The following ZNF385D variants were observed in gnomAD, a reference collection of about 807,000 sequenced individuals.
The protein encoded by ZNF385D is zinc finger protein 659.
Under a neutral mutation model 35.8 loss-of-function variants are expected in ZNF385D, and 15 were observed. The observed-to-expected ratio is 0.42, with a 90% confidence interval of 0.28 to 0.64. ZNF385D has a LOEUF of 0.64. Ranked by LOEUF, ZNF385D falls within the 30% of genes least tolerant of loss-of-function variation. ZNF385D has a pLI of 0.23. For missense variants in ZNF385D, 474 were observed against 494.6 expected, an observed-to-expected ratio of 0.96 and a Z score of 0.39; for synonymous variants, 212 against 186.8, an observed-to-expected ratio of 1.13 and a Z score of -1.10.
At chr3:22,115,289 T>C (rs1702750132) in intron 3 of ZNF385D, among the ~76,000 whole-genome samples, 1 of 152,054 alleles carries the variant, frequency 6.6e-6, no homozygotes, top group African/African-American at 2.4e-5. Flanking sequence ...AAACAGAGAC[T>C]TTGCCTTTGT....
chr3:21,460,514 C>G (rs1459847202), intron 4 of ZNF385D, among the ~76,000 whole-genome samples: 2 of 151,750 alleles, frequency 1.3e-5, no homozygotes, highest in African/African-American at 4.9e-5. Flanking sequence ...AATAAAGCAA[C>G]CAATTTTAAA....
In ZNF385D at chr3:22,018,188, G is replaced by A. The variant is rs1697003783; in HGVS notation, c.325+150629C>T. ...GTGTTTTAATTTTTAAAGATGCGCA[G>A]TATCAATTTCTCTAGTTAGAAATAA... On this transcript the variant is annotated intron_variant, in intron 3 of 5. Transcript: ENST00000494108. Among the ~76,000 whole-genome samples the A allele has an allele frequency of 3.3e-5, 5 of 151,570 alleles. No homozygotes were observed. The South Asian group carries it at 8.4e-4, about 25-fold the overall frequency.
intron 2 of ZNF385D, among the ~76,000 whole-genome samples, chr3:22,274,947 TTTGA>T (rs1400501003): frequency 1.3e-5 from 2 of 152,072 alleles, no homozygotes; most frequent in Non-Finnish European, 2.9e-5. Flanking sequence ...CATATCTGAA[TTTGA>T]TTGGGTAAGA....
intron 3 of ZNF385D, among the ~76,000 whole-genome samples, chr3:21,815,716 A>C (rs945872765): frequency 3.3e-5 from 5 of 152,188 alleles, no homozygotes; most frequent in Admixed American, 3.3e-4. Context: ...CCAGTACCGG[A>C]CCAGACGGAT....
At chr3:21,609,066 A>T (rs551207322) in intron 2 of ZNF385D, among the ~76,000 whole-genome samples, 1 of 152,202 alleles carries the variant, frequency 6.6e-6, no homozygotes, top group Non-Finnish European at 1.5e-5. Context: ...GTTACCTGGG[A>T]GTTGTTTTCC....
At chr3:21,972,484 T>A (rs2125344202) in intron 3 of ZNF385D, among the ~76,000 whole-genome samples, 1 of 151,944 alleles carries the variant, frequency 6.6e-6, no homozygotes, top group Middle Eastern at 3.4e-3. Context: ...AAAAAAAGTG[T>A]TAAAACTTCA....
At chr3:21,689,124 T>G (rs552195454) in intron 1 of ZNF385D, among the ~76,000 whole-genome samples, 5 of 114,588 alleles carry the variant, frequency 4.4e-5, no homozygotes, top group African/African-American at 1.6e-4. Context: ...CCCCACCTTA[T>G]TGAAGCAAAA....
intron 3 of ZNF385D, among the ~76,000 whole-genome samples, chr3:21,527,320 T>C (rs1017925444): frequency 6.6e-6 from 1 of 152,210 alleles, no homozygotes; most frequent in South Asian, 2.1e-4. Context: ...TCATGATGGT[T>C]GGCATTCTTA....
At chr3:21,982,031 G>A (rs115359530) in intron 3 of ZNF385D, among the ~76,000 whole-genome samples, 16,255 of 149,928 alleles carry the variant, frequency 0.11, 1,179 homozygotes, top group South Asian at 0.26. Context: ...GCTTAGGATC[G>A]CCTTGGCTAT....
intron 3 of ZNF385D, among the ~76,000 whole-genome samples, chr3:22,073,419 T>C (rs1330939267): frequency 2.2e-4 from 33 of 151,878 alleles, no homozygotes; most frequent in Admixed American, 1.8e-3. Flanking sequence ...TCCATATTTA[T>C]TGCTTTATTC....
chr3:21,564,709 A>G (rs770598874), intron 2 of ZNF385D, 25 bp from the exon 3 acceptor site: 17 of 1,417,194 alleles, frequency 1.2e-5, no homozygotes, highest in Admixed American at 8.8e-5. Context: ...AAGAAATACA[A>G]CAAATAGAAA....
At chr3:22,211,632 A>G (rs147748612) in intron 2 of ZNF385D, among the ~76,000 whole-genome samples, 1 of 152,030 alleles carries the variant, frequency 6.6e-6, no homozygotes, top group Admixed American at 6.6e-5. Context: ...AAAGAAAGAA[A>G]GAGTGCTGCC....
At chr3:21,731,498 C>T (rs2068992781) in intron 1 of ZNF385D, among the ~76,000 whole-genome samples, 1 of 152,166 alleles carries the variant, frequency 6.6e-6, no homozygotes, top group Admixed American at 6.5e-5. Flanking sequence ...CCTACATTAA[C>T]ATGTCATAAC....
At chr3:21,650,961 G>A (rs1000888574) in intron 2 of ZNF385D, among the ~76,000 whole-genome samples, 6 of 151,914 alleles carry the variant, frequency 3.9e-5, no homozygotes, top group African/African-American at 9.7e-5. Flanking sequence ...TCAGGACCTC[G>A]CAATTATCCT....
intron 3 of ZNF385D, among the ~76,000 whole-genome samples, chr3:21,763,772 A>G (rs1386558591): frequency 6.6e-6 from 1 of 151,394 alleles, no homozygotes; most frequent in African/African-American, 2.4e-5. Flanking sequence ...TGTGAACAGT[A>G]AGTCCATTTT....
At chr3:21,813,633 G>C (rs1366446985) in intron 3 of ZNF385D, among the ~76,000 whole-genome samples, 1 of 152,104 alleles carries the variant, frequency 6.6e-6, no homozygotes, top group African/African-American at 2.4e-5. Context: ...GAAATGAAGT[G>C]AGAAGAGAAG....
intron 3 of ZNF385D, among the ~76,000 whole-genome samples, chr3:21,794,876 T>C (rs1448987597): frequency 6.6e-6 from 1 of 152,174 alleles, no homozygotes; most frequent in Non-Finnish European, 1.5e-5. Flanking sequence ...CATCTGAACA[T>C]TGCAAATATT....
intron 3 of ZNF385D, among the ~76,000 whole-genome samples, chr3:21,559,745 T>C (rs995869351): frequency 1.3e-5 from 2 of 152,272 alleles, no homozygotes; most frequent in African/African-American, 4.8e-5. Flanking sequence ...GATAATATTC[T>C]GAAGAGTGTT....
At chr3:21,813,001 G>A (rs182863321) in intron 3 of ZNF385D, among the ~76,000 whole-genome samples, 1 of 152,284 alleles carries the variant, frequency 6.6e-6, no homozygotes, top group East Asian at 1.9e-4. Context: ...GAAGCTTCCA[G>A]AGGAAGCATC....
Sources: gnomAD v4.1 joint callset for allele counts (sites outside exome capture counted in the v4.1 genomes callset) on GRCh38, gnomAD v4.1.1 for gene constraint, MANE v1.5 for transcripts, NCBI Gene and HGNC (gene_info 2026-07-23, HGNC 2026-07-21) for gene names.